CLSTN1: variants seen among roughly 807,000 people sequenced by gnomAD.
CLSTN1 encodes the protein calsyntenin-1.
In CLSTN1, 28 loss-of-function variants were observed where a neutral mutation model predicts 108.3. That is an observed-to-expected ratio of 0.26 (90% CI 0.19 to 0.35). The LOEUF is 0.35. Among genes scored for constraint, CLSTN1 ranks in the 10% least tolerant of loss-of-function variants. The pLI, the probability that CLSTN1 is intolerant of heterozygous loss-of-function variation, is 1.00. For synonymous variants in CLSTN1, 524 were observed against 534.9 expected, an observed-to-expected ratio of 0.98 and a Z score of 0.28; for missense variants, 1,157 against 1,302.6, an observed-to-expected ratio of 0.89 and a Z score of 1.72.
intron 1 of CLSTN1, among the ~76,000 whole-genome samples, chr1:9,818,458 A>T (rs536924481): frequency 1.7e-4 from 26 of 151,394 alleles, no homozygotes; most frequent in Non-Finnish European, 3.7e-4. Flanking sequence ...CCTCCCAAGT[A>T]GCTGGGACTA....
intron 2 of CLSTN1, among the ~76,000 whole-genome samples, chr1:9,769,235 A>G (rs1652548442): frequency 6.6e-6 from 1 of 151,540 alleles, no homozygotes; most frequent in Non-Finnish European, 1.5e-5. Flanking sequence ...GCAGCTGCCC[A>G]CTCCTCCAGC....
rs572301093 is a variant in CLSTN1, at chr1:9,798,526, T to C, written c.91+25117A>G. Among the ~76,000 whole-genome samples the C allele has an allele frequency of 6.6e-5, 10 of 152,242 alleles. No homozygotes were observed. The East Asian group carries it at 1.9e-3, about 29-fold the overall frequency. On this transcript the variant is annotated intron_variant, in intron 1 of 18. Transcript: ENST00000377298. ...ACATGATTCCCCCACTTATATGAAA[T>C]AGCCAAAATAAGTAAATCCATAGAG...
intron 2 of CLSTN1, among the ~76,000 whole-genome samples, chr1:9,770,523 C>T (rs1025960606): frequency 8.5e-5 from 13 of 152,180 alleles, no homozygotes; most frequent in African/African-American, 3.1e-4. Context: ...TGCCTCTGCA[C>T]CCCCCGACCA....
intron 10 of CLSTN1, among the ~76,000 whole-genome samples, chr1:9,738,905 G>A (rs967911157): frequency 3.9e-5 from 6 of 152,184 alleles, no homozygotes; most frequent in Admixed American, 6.5e-5. Flanking sequence ...GCCTGCCACC[G>A]CCTCCCAAAG....
chr1:9,782,884 A>G (rs758635195), intron 1 of CLSTN1, among the ~76,000 whole-genome samples: 1 of 152,192 alleles, frequency 6.6e-6, no homozygotes, highest in Non-Finnish European at 1.5e-5. Flanking sequence ...GCACACGCCT[A>G]TAATCCCAGC....
chr1:9,798,340 G>C (rs1003679585), intron 1 of CLSTN1, among the ~76,000 whole-genome samples: 6 of 152,056 alleles, frequency 3.9e-5, no homozygotes, highest in African/African-American at 1.4e-4. Context: ...CCTAAAACCT[G>C]CATCAACAGA....
intron 1 of CLSTN1, among the ~76,000 whole-genome samples, chr1:9,797,702 G>C (rs1003951805): frequency 2.0e-5 from 3 of 152,138 alleles, no homozygotes; most frequent in Admixed American, 2.0e-4. Flanking sequence ...ATGAAAAACA[G>C]CTGAAGGAAC....
At position 9,804,147 on chromosome 1, in the gene CLSTN1, G is replaced by A. The variant is rs144327619; in HGVS notation, c.91+19496C>T. ...GGAGGCTGAGGCGGGCGGATCACGA[G>A]GTCAAGAGATCGAGGCCAGCCTGGC... On this transcript the variant is annotated intron_variant, in intron 1 of 18. Transcript: ENST00000377298. 4.7e-3 allele frequency among the ~76,000 whole-genome samples: 713 copies of A among 152,024 alleles called. 2 individuals carry two copies. The highest frequency in any genetic ancestry group is 0.015 in the African/African-American group (642 of 41,484).
chr1:9,799,367 C>G (rs367785424), intron 1 of CLSTN1, among the ~76,000 whole-genome samples: 1 of 152,034 alleles, frequency 6.6e-6, no homozygotes, highest in Admixed American at 6.6e-5. Context: ...GGGAGCCGGG[C>G]GCGGTGGCTC....
intron 17 of CLSTN1, 122 bp downstream of exon 17, chr1:9,731,639 G>A: frequency 9.6e-7 from 1 of 1,037,376 alleles, no homozygotes; most frequent in East Asian, 2.4e-5. Flanking sequence ...TGTGTGATGG[G>A]GAATAATTGG....
Position 9,755,757 on chromosome 1 carries a change from C to T in CLSTN1, c.245-448G>A, listed in dbSNP as rs767949444. On this transcript the variant is annotated intron_variant, in intron 3 of 18. Coordinates refer to ENST00000377298, the MANE Select transcript of CLSTN1 (RefSeq NM_001009566.3). ...AGTTATGTGTTGAGAGAGGAGGAAGCGTGAGATATAGGATCAGCACCGTAA... is the reference window on the plus strand; with the variant it reads ...AGTTATGTGTTGAGAGAGGAGGAAGTGTGAGATATAGGATCAGCACCGTAA... 1.3e-4 allele frequency among the ~76,000 whole-genome samples: 20 copies of T among 150,732 alleles called. No individual in the cohort carries two copies. The Middle Eastern group carries it at 0.01, about 77-fold the overall frequency.
At chr1:9,742,226 T>A (rs970888895) in intron 9 of CLSTN1, among the ~76,000 whole-genome samples, 12 of 152,212 alleles carry the variant, frequency 7.9e-5, no homozygotes, top group African/African-American at 2.2e-4. Flanking sequence ...GGTTTTTTTT[T>A]AATGTGAAAG....
intron 3 of CLSTN1, 116 bp from the exon 4 acceptor site, chr1:9,755,425 G>C: frequency 1.2e-6 from 1 of 809,308 alleles, no homozygotes; most frequent in East Asian, 2.6e-5. Context: ...TTGGCAGCCA[G>C]GGGTTTGGAG....
intron 10 of CLSTN1, among the ~76,000 whole-genome samples, chr1:9,740,591 C>T (rs578206954): frequency 2.9e-4 from 44 of 152,320 alleles, no homozygotes; most frequent in Non-Finnish European, 5.7e-4. Flanking sequence ...TCAGCAGAGA[C>T]TTCCATGGAA....
intron 1 of CLSTN1, among the ~76,000 whole-genome samples, chr1:9,793,908 C>G (rs1272101551): frequency 2.0e-5 from 3 of 151,486 alleles, no homozygotes; most frequent in African/African-American, 7.2e-5. Context: ...CTTCCTAGAG[C>G]TTCCCCTGGT....
chr1:9,731,918 T>A, intron 16 of CLSTN1, 22 bp from the exon 17 acceptor site: 1 of 1,613,674 alleles, frequency 6.2e-7, no homozygotes, highest in Non-Finnish European at 8.5e-7. Context: ...AAAGAGAGGA[T>A]CGCTGGAGAC....
At chr1:9,741,920 C>CGCCGACAAAAAA (rs1553176156) in intron 9 of CLSTN1, among the ~76,000 whole-genome samples, 1 of 152,120 alleles carries the variant, frequency 6.6e-6, no homozygotes, top group Admixed American at 6.5e-5. Flanking sequence ...TCCTCCCCAC[C>CGCCGACAAAAAA]GCCGACAAAA....
intron 2 of CLSTN1, among the ~76,000 whole-genome samples, chr1:9,771,630 G>A (rs1652686225): frequency 6.6e-6 from 1 of 151,948 alleles, no homozygotes; most frequent in Non-Finnish European, 1.5e-5. Flanking sequence ...AAAAAAATGT[G>A]GGGGAAAAAG....
At chr1:9,797,704 T>A (rs868840613) in intron 1 of CLSTN1, among the ~76,000 whole-genome samples, 5 of 151,886 alleles carry the variant, frequency 3.3e-5, no homozygotes, top group Non-Finnish European at 7.4e-5. Context: ...GAAAAACAGC[T>A]GAAGGAACAG....
Sources: gnomAD v4.1 joint callset for allele counts (sites outside exome capture counted in the v4.1 genomes callset) on GRCh38, gnomAD v4.1.1 for gene constraint, MANE v1.5 for transcripts, NCBI Gene and HGNC (gene_info 2026-07-23, HGNC 2026-07-21) for gene names.